CPT1A: variants seen among roughly 807,000 people sequenced by gnomAD.
CPT1A encodes carnitine palmitoyltransferase 1A.
In CPT1A, 64 loss-of-function variants were observed where a neutral mutation model predicts 100.8. The ratio of observed to expected loss-of-function variants is 0.63; its 90% CI spans 0.52 to 0.78. CPT1A has a LOEUF of 0.78. CPT1A is among the 30% of genes least tolerant of loss of function. The pLI is 0.00. For missense variants in CPT1A, 802 were observed against 1,034.1 expected (o/e 0.78, Z 3.08); for synonymous variants, 363 against 396.0 (o/e 0.92, Z 0.99).
chr11:68,775,636 G>A (rs937526751), intron 12 of CPT1A, among the ~76,000 whole-genome samples: 8 of 152,200 alleles, frequency 5.3e-5, no homozygotes, highest in Non-Finnish European at 1.2e-4. Flanking sequence ...CGAGGGCTAA[G>A]GGCTTGCTCA....
In CPT1A at chr11:68,759,738, G is replaced by A. The variant is rs139587361; in HGVS notation, c.2143-77C>T. On this transcript the variant is annotated intron_variant, in intron 17 of 18. Transcript: ENST00000265641. Reference sequence around the variant, plus strand: ...AAAGGGACTTTCTAATGTTCTAAATGCAACACTGGCGGGGCTCGGTGGCTT... The same window carrying A: ...AAAGGGACTTTCTAATGTTCTAAATACAACACTGGCGGGGCTCGGTGGCTT... 209 of 1,080,938 alleles carry A rather than the reference G, an allele frequency of 1.9e-4. No homozygotes were observed. In the East Asian group the frequency reaches 4.9e-3, roughly 26 times the overall value. 67.0% of individuals were successfully genotyped at this position (1,080,938 alleles called of 1,614,324 possible).
At chr11:68,831,890 C>T (rs1856889694) in intron 1 of CPT1A, among the ~76,000 whole-genome samples, 1 of 152,086 alleles carries the variant, frequency 6.6e-6, no homozygotes, top group African/African-American at 2.4e-5. Context: ...GCCTTGGCCT[C>T]CTAAAGTGCT....
chr11:68,778,664 C>A (rs1855209337), intron 12 of CPT1A, among the ~76,000 whole-genome samples: 1 of 151,574 alleles, frequency 6.6e-6, no homozygotes, highest in Non-Finnish European at 1.5e-5. Flanking sequence ...CCACTGCACA[C>A]CAGCCTGGGT....
chr11:68,774,819 T>C (rs1181095751), intron 13 of CPT1A, among the ~76,000 whole-genome samples: 1 of 151,458 alleles, frequency 6.6e-6, no homozygotes, highest in Non-Finnish European at 1.5e-5. Flanking sequence ...AATGGTATCT[T>C]GGACTCCAGG....
At chr11:68,796,293 A>T (rs1855753490) in intron 7 of CPT1A, among the ~76,000 whole-genome samples, 1 of 152,090 alleles carries the variant, frequency 6.6e-6, no homozygotes, top group African/African-American at 2.4e-5. Context: ...ACGGTGGCTC[A>T]CACCTGTAAT....
At position 68,841,160 on chromosome 11, in the gene CPT1A, G is replaced by A. The variant is rs899701673; in HGVS notation, c.-14+615C>T. ...GGTCAGCGGCGCCCTGCCGAATCCC[G>A]AGGGCCGAGCACCCCTCCCTCAGCC... On this transcript the variant is annotated intron_variant, in intron 1 of 18. Transcript: ENST00000265641. This position sits in a 1 kb window ranked among gnomAD's most constrained non-coding sequence, Gnocchi z 6.3. Among the ~76,000 whole-genome samples the A allele has an allele frequency of 7.2e-5, 11 of 152,210 alleles. No individual in the cohort carries two copies. Among genetic ancestry groups the A allele is most frequent in the Admixed American group, 6.5e-4 (10 of 15,288 alleles).
At chr11:68,817,688 T>TG (rs1382784308) in intron 1 of CPT1A, among the ~76,000 whole-genome samples, 17 of 41,418 alleles carry the variant, frequency 4.1e-4, no homozygotes, top group African/African-American at 1.3e-3. Flanking sequence ...GGCAGGTGTC[T>TG]GGGGTCAAGG....
chr11:68,761,456 A>G (rs1854613525), intron 16 of CPT1A, 79 bp downstream of exon 16: 12 of 1,498,896 alleles, frequency 8.0e-6, no homozygotes, highest in Non-Finnish European at 1.0e-5. Context: ...ACATTAAAAT[A>G]TGTTCATGCA....
At chr11:68,805,268 G>A (rs1426640163) in intron 4 of CPT1A, among the ~76,000 whole-genome samples, 1 of 152,034 alleles carries the variant, frequency 6.6e-6, no homozygotes, top group Non-Finnish European at 1.5e-5. Context: ...TGGCCAACAT[G>A]GCGAAACCCT....
At chr11:68,808,403 G>T (rs57331024) in intron 3 of CPT1A, among the ~76,000 whole-genome samples, 7 of 149,358 alleles carry the variant, frequency 4.7e-5, no homozygotes, top group Admixed American at 2.7e-4. Flanking sequence ...CAAGAGTCTC[G>T]CTCTGCTGCC....
At chr11:68,768,809 C>T (rs1205031500) in intron 14 of CPT1A, among the ~76,000 whole-genome samples, 3 of 152,184 alleles carry the variant, frequency 2.0e-5, no homozygotes, top group Non-Finnish European at 4.4e-5. Flanking sequence ...TTCCCCGATG[C>T]ATGTTTCCAA....
intron 1 of CPT1A, among the ~76,000 whole-genome samples, chr11:68,825,465 C>G (rs916710738): frequency 2.0e-5 from 3 of 152,114 alleles, no homozygotes; most frequent in African/African-American, 7.2e-5. Context: ...AAGATAAAAC[C>G]AGGAGGAGCA....
intron 9 of CPT1A, 97 bp from the exon 10 acceptor site, chr11:68,785,107 C>T: frequency 9.8e-7 from 1 of 1,020,498 alleles, no homozygotes; most frequent in Non-Finnish European, 1.5e-6. Flanking sequence ...GCATGGGAGT[C>T]CCTGCTCTGC....
intron 14 of CPT1A, among the ~76,000 whole-genome samples, chr11:68,768,709 T>A (rs1303446394): frequency 6.6e-6 from 1 of 152,168 alleles, no homozygotes; most frequent in Non-Finnish European, 1.5e-5. Context: ...CCTGGCCAGA[T>A]TTCCTCACAT....
chr11:68,808,697 T>C (rs1192819875), intron 3 of CPT1A, among the ~76,000 whole-genome samples: 4 of 152,104 alleles, frequency 2.6e-5, no homozygotes. Context: ...TGGTTTGTTT[T>C]AGTTTTGGTT....
At chr11:68,826,804 G>A (rs1427123360) in intron 1 of CPT1A, among the ~76,000 whole-genome samples, 2 of 151,958 alleles carry the variant, frequency 1.3e-5, no homozygotes, top group Admixed American at 1.3e-4. Context: ...TAGCACAAAC[G>A]GGATTCCTCA....
intron 5 of CPT1A, among the ~76,000 whole-genome samples, chr11:68,801,625 G>A (rs1271950702): frequency 1.4e-5 from 2 of 143,788 alleles, no homozygotes; most frequent in African/African-American, 5.6e-5. Context: ...GCAAGACTCT[G>A]TCTGAAAAAA....
chr11:68,784,702 G>T (rs934012135), intron 10 of CPT1A, 113 bp downstream of exon 10: 2 of 1,034,858 alleles, frequency 1.9e-6, no homozygotes, highest in Non-Finnish European at 2.9e-6. Flanking sequence ...AAACAGAGCC[G>T]AGGTGGGGAG....
chr11:68,835,909 G>A (rs1856997631), intron 1 of CPT1A, among the ~76,000 whole-genome samples: 1 of 152,220 alleles, frequency 6.6e-6, no homozygotes, highest in African/African-American at 2.4e-5. Flanking sequence ...ACTGCAGGAG[G>A]ACGTGGCAGC....
Sources: allele counts gnomAD v4.1 joint callset (sites outside exome capture counted in the v4.1 genomes callset), GRCh38; gene constraint gnomAD v4.1.1; non-coding constraint Gnocchi (gnomAD v3.1); transcripts MANE v1.5; gene names NCBI Gene and HGNC (gene_info 2026-07-23, HGNC 2026-07-21).